The following ZNF540 variants were observed in gnomAD, a reference collection of about 807,000 sequenced individuals.
The protein encoded by ZNF540 is CTD-3064H18.6.
A neutral mutation model predicts 11.8 loss-of-function variants in ZNF540; 3 were observed. The observed-to-expected ratio is 0.25, with a 90% CI of 0.12 to 0.65. ZNF540 has a LOEUF of 0.65. ZNF540 is among the 30% of genes least tolerant of loss of function. The pLI is 0.83. For synonymous variants in ZNF540, 247 were observed against 259.0 expected, an observed-to-expected ratio of 0.95 and a Z score of 0.45; for missense variants, 709 against 793.1, an observed-to-expected ratio of 0.89 and a Z score of 1.27.
chr19:37,604,677 A>G (rs190661948), intron 4 of ZNF540, among the ~76,000 whole-genome samples: 54 of 152,158 alleles, frequency 3.5e-4, no homozygotes, highest in Admixed American at 3.1e-3. Context: ...CATTAATTGT[A>G]TCTGTTTAAT....
At chr19:37,586,889 C>T in intron 1 of ZNF540, 1 of 596,388 alleles carries the variant, frequency 1.7e-6, no homozygotes, top group Non-Finnish European at 3.0e-6. Context: ...CCAGCTACTG[C>T]AGAAGGGGTT....
chr19:37,565,187 G>C, intron 1 of ZNF540: 1 of 1,613,100 alleles, frequency 6.2e-7, no homozygotes, highest in South Asian at 1.1e-5. Flanking sequence ...CTTCTCTCCG[G>C]TATGAATTCT....
intron 2 of ZNF540, among the ~76,000 whole-genome samples, chr19:37,599,192 A>T (rs576822403): frequency 9.9e-4 from 150 of 152,280 alleles, no homozygotes; most frequent in African/African-American, 3.3e-3. Flanking sequence ...AGATAGATAG[A>T]TAGATAGATA....
At chr19:37,557,800 TAA>T (rs112073659) in intron 1 of ZNF540, among the ~76,000 whole-genome samples, 1 of 152,196 alleles carries the variant, frequency 6.6e-6, no homozygotes, top group African/African-American at 2.4e-5. Context: ...CACTTTGAAG[TAA>T]AGTCTCTATG....
In ZNF540 at chr19:37,604,296, C is replaced by CTTTTTTTTTTTTTTTTTTTTT. The variant is rs769163050; in HGVS notation, c.232+3200_232+3220dup. Among the ~76,000 whole-genome samples the CTTTTTTTTTTTTTTTTTTTTT allele has an allele frequency of 1.7e-4, 13 of 75,268 alleles. 4 individuals are homozygous for CTTTTTTTTTTTTTTTTTTTTT. Among genetic ancestry groups the CTTTTTTTTTTTTTTTTTTTTT allele is most frequent in the Non-Finnish European group, 2.3e-4 (9 of 39,490 alleles). The allele number at this position is 75,268 out of a possible 152,430, so 49.4% of individuals were successfully genotyped here. A position where few individuals can be genotyped will look rare whatever the true frequency, so the allele number is the denominator to read the frequency against. ...CATAGAGCTTTGGAAAATAGCCTTA[C>CTTTTTTTTTTTTTTTTTTTTT]TTTTTTTTTTTTTTTTTTTTTTTTT... On this transcript the variant is annotated intron_variant, in intron 4 of 4. Transcript: ENST00000316433.
Position 37,565,517 on chromosome 19 carries a change from TCAC to T in ZNF540, c.-73+13856_-73+13858del, listed in dbSNP as rs2042822946. Reference sequence around the variant, plus strand: ...ACATTCCTTACACTCATAAGGTTTCTCACCACTATGAATTCTCTGATGGTAAGT... The same window carrying T: ...ACATTCCTTACACTCATAAGGTTTCTCACTATGAATTCTCTGATGGTAAGT... On this transcript the variant is annotated intron_variant, in intron 1 of 4. Transcript: ENST00000592533. 1.9e-6 allele frequency: 3 copies of T among 1,613,834 alleles called. No homozygotes were observed. In the African/African-American group the frequency reaches 4.0e-5, roughly 22 times the overall value.
chr19:37,566,033 A>C (rs200625243), intron 1 of ZNF540: 1 of 1,614,074 alleles, frequency 6.2e-7, no homozygotes, highest in African/African-American at 1.3e-5. Context: ...CTTGGTAGGA[A>C]TTATCCGATG....
At chr19:37,587,682 CAGTA>C (rs959419545) in intron 1 of ZNF540, among the ~76,000 whole-genome samples, 42 of 151,960 alleles carry the variant, frequency 2.8e-4, no homozygotes, top group Admixed American at 5.9e-4. Context: ...CAAGAAAACC[CAGTA>C]AGAGAGCAGG....
rs571893947 is a variant in ZNF540 at position 37,612,298 on chromosome 19, G to A, written c.1018G>A (p.Gly340Arg). The change falls in exon 5 of 5, where the codon GGA (glycine) becomes AGA (arginine). Residue 340 changes from glycine to arginine, a missense_variant. Coordinates refer to ENST00000316433, the MANE Select transcript of ZNF540 (RefSeq NM_001172225.3). ...GTGTGGGAAAGCTTTTAGTGTATGC[G>A]GACAACTTACCCGTCATCAGAAAAT... Reference protein sequence around the residue: ...KECGKAFSVCGQLTRHQKIHT... With the variant: ...KECGKAFSVCRQLTRHQKIHT... 176 of 1,613,548 alleles carry A rather than the reference G, an allele frequency of 1.1e-4. No homozygotes were observed. Among genetic ancestry groups the A allele is most frequent in the East Asian group, 5.6e-4 (25 of 44,804 alleles).
chr19:37,597,037 TG>T (rs144282435), intron 1 of ZNF540, among the ~76,000 whole-genome samples: 3,952 of 152,302 alleles, frequency 0.026, 179 homozygotes, highest in African/African-American at 0.089. Context: ...AGAACTCAGA[TG>T]TCTTGTTTAT....
At chr19:37,565,191 G>C (rs1181138826) in intron 1 of ZNF540, 2 of 1,613,518 alleles carry the variant, frequency 1.2e-6, no homozygotes, top group Non-Finnish European at 1.7e-6. Context: ...TCTCCGGTAT[G>C]AATTCTTTGA....
At chr19:37,565,978 G>A (rs376501421) in intron 1 of ZNF540, 2 of 1,613,624 alleles carry the variant, frequency 1.2e-6, no homozygotes, top group Admixed American at 1.7e-5. Context: ...GGCATGACAG[G>A]TAGCTGAAAC....
chr19:37,565,657 T>C, intron 1 of ZNF540: 1 of 1,613,322 alleles, frequency 6.2e-7, no homozygotes, highest in Non-Finnish European at 8.5e-7. Flanking sequence ...TAAAGGCTTT[T>C]CCACATTTCT....
At position 37,571,129 on chromosome 19, in the gene ZNF540, A is replaced by C. The variant is rs1229025943; in HGVS notation, c.-73+19464A>C. Among the ~76,000 whole-genome samples the C allele has an allele frequency of 2.0e-5, 3 of 152,284 alleles. No individual in the cohort carries two copies. In the East Asian group the frequency reaches 5.8e-4, roughly 29 times the overall value. On this transcript the variant is annotated intron_variant, in intron 1 of 4. Transcript: ENST00000592533. ...TACTAATTATAGCATTTCTCATCCA[A>C]ATGCCATGAAGTTTTATAGGAGCCC...
chr19:37,556,129 G>A, intron 1 of ZNF540: 1 of 702,746 alleles, frequency 1.4e-6, no homozygotes, highest in Non-Finnish European at 2.6e-6. Flanking sequence ...GGGACCGGCA[G>A]ATTGTGTTGC....
At chr19:37,590,501 T>G (rs2043838554), upstream of ZNF540, among the ~76,000 whole-genome samples, 1 of 152,126 alleles carries the variant, frequency 6.6e-6, no homozygotes, top group African/African-American at 2.4e-5. Flanking sequence ...GATTAGACAA[T>G]TATTACATCT....
intron 4 of ZNF540, among the ~76,000 whole-genome samples, chr19:37,607,137 ACTTT>A (rs1450971027): frequency 1.3e-5 from 2 of 152,024 alleles, no homozygotes; most frequent in Non-Finnish European, 2.9e-5. Context: ...TTCTGGAGTA[ACTTT>A]CTATTAATTA....
chr19:37,561,074 A>AAAAAAAAG (rs57590004), intron 1 of ZNF540, among the ~76,000 whole-genome samples: 1 of 135,776 alleles, frequency 7.4e-6, no homozygotes, highest in African/African-American at 2.9e-5. Flanking sequence ...AAAAAAAAAA[A>AAAAAAAAG]GAAAGAAAAA....
chr19:37,604,906 G>C (rs2044071438), intron 4 of ZNF540, among the ~76,000 whole-genome samples: 1 of 152,168 alleles, frequency 6.6e-6, no homozygotes. Flanking sequence ...AGTATTCTGT[G>C]TCATACTACT....
Sources: allele counts gnomAD v4.1 joint callset (sites outside exome capture counted in the v4.1 genomes callset), GRCh38; gene constraint gnomAD v4.1.1; transcripts MANE v1.5; gene names NCBI Gene and HGNC (gene_info 2026-07-23, HGNC 2026-07-21).